Variants in PHKB observed in about 807,000 individuals in gnomAD.
PHKB encodes phosphorylase kinase regulatory subunit beta.
Under a neutral mutation model 152.1 loss-of-function variants are expected in PHKB, and 122 were observed. The ratio of observed to expected loss-of-function variants is 0.80; its 90% CI spans 0.69 to 0.93. PHKB has a LOEUF of 0.93. PHKB is among the 40% of genes least tolerant of loss of function. The pLI, the probability that PHKB is intolerant of heterozygous loss-of-function variation, is 0.00. For missense variants in PHKB, 1,304 were observed against 1,328.4 expected (o/e 0.98, Z 0.29); for synonymous variants, 436 against 464.9 (o/e 0.94, Z 0.80).
chr16:47,470,180 C>T (rs1969739833), intron 1 of PHKB, among the ~76,000 whole-genome samples: 2 of 152,264 alleles, frequency 1.3e-5, no homozygotes, highest in South Asian at 2.1e-4. Flanking sequence ...TCACAGCCTT[C>T]AGAGCTGAGA....
rs1970302475 is a variant in PHKB at position 47,500,219 on chromosome 16, A to G, written c.305+325A>G. On this transcript the variant is annotated intron_variant, in intron 3 of 30. Transcript: ENST00000323584. Reference sequence around the variant, plus strand: ...CGCCTGGCTAATTTTTGTATTTTTGATAGAGATGGGGTTTCTGTTGGCCAG... The same window carrying G: ...CGCCTGGCTAATTTTTGTATTTTTGGTAGAGATGGGGTTTCTGTTGGCCAG... 2.0e-5 allele frequency among the ~76,000 whole-genome samples: 3 copies of G among 151,764 alleles called. No homozygotes were observed. The South Asian group carries it at 6.2e-4, about 32-fold the overall frequency.
chr16:47,466,802 A>G (rs1210984056), intron 1 of PHKB, among the ~76,000 whole-genome samples: 1 of 152,168 alleles, frequency 6.6e-6, no homozygotes, highest in African/African-American at 2.4e-5. Flanking sequence ...TCAGTTAACT[A>G]ATCTAACCGT....
intron 6 of PHKB, among the ~76,000 whole-genome samples, chr16:47,519,290 C>T (rs1970647092): frequency 6.6e-6 from 1 of 152,180 alleles, no homozygotes; most frequent in African/African-American, 2.4e-5. Flanking sequence ...TATTAGTCAT[C>T]TTTGCTATGT....
chr16:47,517,079 T>G (rs1970610452), intron 6 of PHKB, among the ~76,000 whole-genome samples: 1 of 152,164 alleles, frequency 6.6e-6, no homozygotes, highest in Non-Finnish European at 1.5e-5. Flanking sequence ...AGCATGACTC[T>G]GACTGAGGAG....
chr16:47,611,029 A>G (rs568120178), intron 14 of PHKB, 109 bp downstream of exon 14: 1 of 732,856 alleles, frequency 1.4e-6, no homozygotes, highest in South Asian at 1.5e-5. Flanking sequence ...TCTGACGGAA[A>G]GGTTTCTCCC....
intron 6 of PHKB, among the ~76,000 whole-genome samples, chr16:47,546,844 T>C (rs930289584): frequency 6.6e-6 from 1 of 152,252 alleles, no homozygotes. Flanking sequence ...CTTGCTGCCG[T>C]GCAGTTCGAT....
intron 28 of PHKB, among the ~76,000 whole-genome samples, chr16:47,695,492 A>T (rs1974131785): frequency 6.6e-6 from 1 of 152,246 alleles, no homozygotes; most frequent in Admixed American, 6.5e-5. Flanking sequence ...TTGAATATAG[A>T]CTAAGGCATT....
At chr16:47,564,053 AT>A (rs1206141095) in intron 7 of PHKB, among the ~76,000 whole-genome samples, 15 of 125,658 alleles carry the variant, frequency 1.2e-4, no homozygotes, top group South Asian at 2.4e-4. Context: ...TGTTTGTCAC[AT>A]TTTTTTTTAA....
chr16:47,682,802 G>C (rs1472416242), intron 26 of PHKB, among the ~76,000 whole-genome samples: 1 of 152,202 alleles, frequency 6.6e-6, no homozygotes, highest in African/African-American at 2.4e-5. Context: ...TCCGTTGCTG[G>C]TGAGGAGCTG....
At chr16:47,621,174 C>T (rs904297709) in intron 14 of PHKB, among the ~76,000 whole-genome samples, 4 of 152,096 alleles carry the variant, frequency 2.6e-5, no homozygotes, top group Non-Finnish European at 4.4e-5. Flanking sequence ...CCCCTTCCAG[C>T]GCTTCTGTTG....
At chr16:47,542,689 G>A (rs1292099867) in intron 6 of PHKB, among the ~76,000 whole-genome samples, 3 of 152,106 alleles carry the variant, frequency 2.0e-5, no homozygotes, top group Admixed American at 1.3e-4. Context: ...GCAGTGGTTT[G>A]TAGTTTTCCT....
intron 1 of PHKB, chr16:47,461,973 G>T (rs555262190): frequency 6.5e-6 from 1 of 154,846 alleles, no homozygotes; most frequent in Admixed American, 6.4e-5. Context: ...AGATATTGAA[G>T]AGTATAGTTA....
At chr16:47,682,238 C>T (rs769123024) in intron 26 of PHKB, among the ~76,000 whole-genome samples, 5 of 152,100 alleles carry the variant, frequency 3.3e-5, no homozygotes, top group Non-Finnish European at 7.3e-5. Context: ...AATTATGTGT[C>T]TTGGAGTTGC....
At chr16:47,529,662 T>A (rs1970827764) in intron 6 of PHKB, 1 of 152,188 alleles carries the variant, frequency 6.6e-6, no homozygotes, top group Non-Finnish European at 1.5e-5. Flanking sequence ...CATACATATT[T>A]TTTAAGTTTC....
intron 6 of PHKB, among the ~76,000 whole-genome samples, chr16:47,521,067 A>C (rs1230581032): frequency 6.6e-6 from 1 of 152,164 alleles, no homozygotes; most frequent in Non-Finnish European, 1.5e-5. Flanking sequence ...TTGCTATCAT[A>C]TAGAAATTCA....
chr16:47,493,499 G>T (rs983810200), intron 1 of PHKB, among the ~76,000 whole-genome samples: 1 of 152,108 alleles, frequency 6.6e-6, no homozygotes, highest in African/African-American at 2.4e-5. Flanking sequence ...GTAATTTGGG[G>T]TCGTCTTTAG....
intron 14 of PHKB, among the ~76,000 whole-genome samples, chr16:47,639,287 A>G (rs905946908): frequency 2.0e-5 from 3 of 152,150 alleles, no homozygotes; most frequent in Non-Finnish European, 1.5e-5. Flanking sequence ...GTCTGAAACA[A>G]ACAAACAAAC....
chr16:47,641,103 A>G lies in PHKB; in HGVS notation c.1514+13A>G. ...CAGAAAGCCAAAGGTATGAAATCCA[A>G]GTGGGTGGTGTGTTTTTTTGTGGGG... On this transcript the variant is annotated intron_variant, in intron 15 of 30. Transcript: ENST00000323584. The G allele has an allele frequency of 6.2e-7, 1 of 1,600,598 alleles. No individual in the cohort carries two copies.
intron 1 of PHKB, among the ~76,000 whole-genome samples, chr16:47,471,612 G>T (rs1164256387): frequency 6.6e-6 from 1 of 152,090 alleles, no homozygotes; most frequent in Non-Finnish European, 1.5e-5. Flanking sequence ...TCATCATTCT[G>T]GATTCAGAAG....
Sources: allele counts gnomAD v4.1 joint callset (sites outside exome capture counted in the v4.1 genomes callset), GRCh38; gene constraint gnomAD v4.1.1; transcripts MANE v1.5; gene names NCBI Gene and HGNC (gene_info 2026-07-23, HGNC 2026-07-21).